The following CLIP2 variants were observed in gnomAD, a reference collection of about 807,000 sequenced individuals.
The protein encoded by CLIP2 is CAP-Gly domain containing linker protein 2.
CLIP2 carries 41 observed loss-of-function variants against 111.7 expected under a neutral mutation model. The observed-to-expected ratio is 0.37, with a 90% CI of 0.29 to 0.48. CLIP2 has a LOEUF of 0.48. Ranked by LOEUF, CLIP2 falls within the 20% of genes least tolerant of loss-of-function variation. CLIP2 has a pLI of 0.99. For synonymous variants in CLIP2, 660 were observed against 644.2 expected (o/e 1.02, Z -0.37); for missense variants, 1,160 against 1,422.1 (o/e 0.82, Z 2.96).
At chr7:74,358,182 G>A (rs1554308939) in intron 6 of CLIP2, among the ~76,000 whole-genome samples, 1 of 151,742 alleles carries the variant, frequency 6.6e-6, no homozygotes, top group Non-Finnish European at 1.5e-5. Flanking sequence ...CTCTCAAGTA[G>A]TTGGGATTAC....
chr7:74,387,352 G>A (rs552350423), intron 12 of CLIP2, among the ~76,000 whole-genome samples: 8 of 152,220 alleles, frequency 5.3e-5, no homozygotes, highest in African/African-American at 9.6e-5. Context: ...GGGTTCAAGC[G>A]ATTCTCCTGC....
At chr7:74,320,688 G>A (rs782787681) in intron 2 of CLIP2, among the ~76,000 whole-genome samples, 3 of 152,136 alleles carry the variant, frequency 2.0e-5, no homozygotes, top group Non-Finnish European at 4.4e-5. Flanking sequence ...GGGAGGGAAG[G>A]GCTCATTACC....
At chr7:74,302,715 A>C (rs1230736015) in intron 1 of CLIP2, among the ~76,000 whole-genome samples, 1 of 152,110 alleles carries the variant, frequency 6.6e-6, no homozygotes, top group Non-Finnish European at 1.5e-5. Flanking sequence ...GGTCCACACT[A>C]TCCACTGTGG....
At chr7:74,292,424 T>C (rs1366156303) in intron 1 of CLIP2, among the ~76,000 whole-genome samples, 1 of 152,208 alleles carries the variant, frequency 6.6e-6, no homozygotes, top group Non-Finnish European at 1.5e-5. Flanking sequence ...TCTTGCTCTG[T>C]CGCCCAGGCT....
chr7:74,297,197 G>A (rs571286728), intron 1 of CLIP2, among the ~76,000 whole-genome samples: 18 of 152,300 alleles, frequency 1.2e-4, no homozygotes, highest in African/African-American at 4.1e-4. Context: ...GACCAGCTGG[G>A]TGTGGTGGCT....
intron 1 of CLIP2, among the ~76,000 whole-genome samples, chr7:74,308,232 C>T (rs1788547783): frequency 2.0e-5 from 3 of 152,166 alleles, no homozygotes; most frequent in Admixed American, 6.6e-5. Flanking sequence ...CAGTGTCAGG[C>T]GGGTGGTAAG....
intron 2 of CLIP2, among the ~76,000 whole-genome samples, chr7:74,322,084 T>C (rs1270783573): frequency 5.4e-5 from 8 of 149,046 alleles, no homozygotes; most frequent in Admixed American, 4.8e-4. Flanking sequence ...CTCTGCCTCC[T>C]GGGTTCAAGC....
chr7:74,380,007 G>T (rs1790897989), intron 10 of CLIP2: 1 of 152,124 alleles, frequency 6.6e-6, no homozygotes, highest in Non-Finnish European at 1.5e-5. Flanking sequence ...TATAAATTAT[G>T]ATCCAAGGGG....
In CLIP2 at chr7:74,360,189, C is replaced by T. The variant is rs564040624; in HGVS notation, c.1230C>T (p.Ala410=). Reference sequence around the variant, plus strand: ...TGGGGGCCCAGTATGTTGCAGAAGCCGAGGAGAAGCTGCAGCGAGCCCGGC... The same window carrying T: ...TGGGGGCCCAGTATGTTGCAGAAGCTGAGGAGAAGCTGCAGCGAGCCCGGC... ...KAQHEQYVAE[A]EEKLQRARLL... is the part of the protein sequence containing the mutation. The change falls in exon 7 of 17, where the codon GCC becomes GCT. Residue 410 remains alanine (A), a synonymous_variant. Transcript: ENST00000223398. 40 of 1,604,776 alleles carry T rather than the reference C, an allele frequency of 2.5e-5. No homozygotes were observed. The highest frequency in any genetic ancestry group is 2.4e-4 in the African/African-American group (18 of 74,904).
intron 3 of CLIP2, among the ~76,000 whole-genome samples, chr7:74,347,692 G>C (rs965157857): frequency 3.3e-5 from 5 of 152,080 alleles, no homozygotes; most frequent in African/African-American, 1.2e-4. Context: ...GGTCCTCTGA[G>C]AAATAAGAGA....
chr7:74,328,477 G>C (rs1334367161), intron 2 of CLIP2, among the ~76,000 whole-genome samples: 1 of 152,040 alleles, frequency 6.6e-6, no homozygotes, highest in Non-Finnish European at 1.5e-5. Flanking sequence ...CCACCTCCTG[G>C]GGCTCATGTT....
Position 74,289,751 on chromosome 7 carries a change from G to A in CLIP2, c.-68+17G>A, listed in dbSNP as rs1363707435. On this transcript the variant is annotated intron_variant, in intron 1 of 16. Transcript: ENST00000223398. ...AGGACGAAGGTAGGGGCTGCTGGAG[G>A]GGCCGAGGGAGGGGGTCGCGCGGGC... The A allele has an allele frequency of 2.0e-5, 3 of 152,330 alleles. No homozygotes were observed. Among genetic ancestry groups the A allele is most frequent in the African/African-American group, 7.2e-5 (3 of 41,458 alleles). 9.4% of individuals were successfully genotyped at this position (152,330 alleles called of 1,614,324 possible). A position where few individuals can be genotyped will look rare whatever the true frequency, so the allele number is the denominator to read the frequency against.
chr7:74,302,834 G>A (rs1341695085), intron 1 of CLIP2, among the ~76,000 whole-genome samples: 2 of 152,188 alleles, frequency 1.3e-5, no homozygotes, highest in Non-Finnish European at 2.9e-5. Flanking sequence ...CTATCCCCAC[G>A]CTGGCTGTCA....
intron 1 of CLIP2, among the ~76,000 whole-genome samples, chr7:74,316,263 G>A (rs1788772005): frequency 6.6e-6 from 1 of 151,094 alleles, no homozygotes; most frequent in South Asian, 2.1e-4. Context: ...TTTTTGTTTT[G>A]AGACAGAGTC....
intron 8 of CLIP2, among the ~76,000 whole-genome samples, chr7:74,370,649 C>A (rs1790592422): frequency 6.7e-6 from 1 of 148,746 alleles, no homozygotes; most frequent in South Asian, 2.2e-4. Flanking sequence ...CACACCCCTG[C>A]CCCTAAGTTA....
In CLIP2 at chr7:74,349,494, A is replaced by G. The variant is rs868935951; in HGVS notation, c.679-4386A>G. Among the ~76,000 whole-genome samples the G allele has an allele frequency of 1.5e-4, 19 of 128,478 alleles. 1 individual carries two copies. Among genetic ancestry groups the G allele is most frequent in the African/African-American group, 2.5e-4 (8 of 31,918 alleles). The allele number at this position is 128,478 out of a possible 152,430, so 84.3% of individuals were successfully genotyped here. On this transcript the variant is annotated intron_variant, in intron 3 of 16. Transcript: ENST00000223398. ...TGTATATATATATATATATATATAT[A>G]TATATATATATATATATGTAAATAA... is the stretch of plus-strand genomic sequence containing the variant.
At chr7:74,365,491 A>G (rs1790453816) in intron 8 of CLIP2, among the ~76,000 whole-genome samples, 2 of 151,920 alleles carry the variant, frequency 1.3e-5, no homozygotes, top group South Asian at 2.1e-4. Flanking sequence ...CCCGCCCACT[A>G]CCTACCAGCT....
chr7:74,338,874 G>C lies in CLIP2; in HGVS notation c.548G>C (p.Arg183Pro). ...ACGGCCACGCCCCCGCTGACCAGCC[G>C]CGTCATCCCCCTGCGGGAGAGCGTC... Reference protein sequence around the residue: ...SGTATPPLTSRVIPLRESVLN... With the variant: ...SGTATPPLTSPVIPLRESVLN... The change falls in exon 3 of 17, where the codon CGC (arginine) becomes CCC (proline). Residue 183 changes from arginine to proline, a missense_variant. Coordinates refer to ENST00000223398, the MANE Select transcript of CLIP2 (RefSeq NM_003388.5). This position sits in a 1 kb window ranked among gnomAD's most constrained non-coding sequence, Gnocchi z 4.3. The C allele has an allele frequency of 6.2e-7, 1 of 1,607,732 alleles. No individual in the cohort carries two copies. Among genetic ancestry groups the C allele is most frequent in the Non-Finnish European group, 8.5e-7 (1 of 1,179,916 alleles).
intron 1 of CLIP2, among the ~76,000 whole-genome samples, chr7:74,303,429 G>C (rs1410162832): frequency 6.6e-6 from 1 of 152,024 alleles, no homozygotes; most frequent in Non-Finnish European, 1.5e-5. Context: ...TTGGGGTGCT[G>C]GGTAGGGCTT....
Sources: allele counts gnomAD v4.1 joint callset (sites outside exome capture counted in the v4.1 genomes callset), GRCh38; gene constraint gnomAD v4.1.1; non-coding constraint Gnocchi (gnomAD v3.1); transcripts MANE v1.5; gene names NCBI Gene and HGNC (gene_info 2026-07-23, HGNC 2026-07-21).